The following IGSF1 variants were observed in gnomAD, a reference collection of about 807,000 sequenced individuals.
IGSF1 encodes immunoglobulin superfamily member 1, also known as immunoglobulin-like domain-containing protein 1.
Under a neutral mutation model 95.3 loss-of-function variants are expected in IGSF1, and 40 were observed. The observed-to-expected ratio is 0.42, with a 90% confidence interval of 0.33 to 0.55. IGSF1 has a LOEUF of 0.55. IGSF1 is among the 20% of genes least tolerant of loss of function. The pLI, the probability that IGSF1 is intolerant of heterozygous loss-of-function variation, is 0.10. For synonymous variants in IGSF1, 372 were observed against 382.9 expected, an observed-to-expected ratio of 0.97 and a Z score of 0.33; for missense variants, 906 against 1,025.4, an observed-to-expected ratio of 0.88 and a Z score of 1.59.
intron 1 of IGSF1, 73 bp from the exon 2 acceptor site, chrX:131,286,814 A>T (rs2080646589): frequency 2.2e-6 from 1 of 452,573 alleles, no homozygotes; most frequent in African/African-American, 2.6e-5. Flanking sequence ...GCTAAATTGC[A>T]CTTGACAACC....
At chrX:131,280,117 G>C (rs2080534854) in intron 9 of IGSF1, among the ~76,000 whole-genome samples, 1 of 110,303 alleles carries the variant, frequency 9.1e-6, no homozygotes, top group Non-Finnish European at 1.9e-5. Context: ...ATGCAGTGTT[G>C]CTGGGCTGGG....
intron 15 of IGSF1, 21 bp downstream of exon 15, chrX:131,275,940 C>T (rs768908371): frequency 8.3e-7 from 1 of 1,202,733 alleles, no homozygotes. Flanking sequence ...CATCCCAGTC[C>T]CATGTCCGGT....
At position 131,274,744 on chromosome X, in the gene IGSF1, A is replaced by C; in HGVS notation, c.3606T>G (p.Pro1202=). ...FVLEHDGEEA[P]QQFSEDGDFV... Reference sequence around the variant, plus strand: ...AGTCTCCATCCTCTGAAAACTGCTGAGGTGCTTCTTCTCCATCATGTTCTA... The same window carrying C: ...AGTCTCCATCCTCTGAAAACTGCTGCGGTGCTTCTTCTCCATCATGTTCTA... Residue 1202 remains proline, a synonymous_variant, in exon 18 of 20, where the codon CCT becomes CCG. Transcript: ENST00000361420. The C allele has an allele frequency of 8.3e-7, 1 of 1,211,545 alleles. No individual in the cohort carries two copies. Among genetic ancestry groups the C allele is most frequent in the South Asian group, 1.8e-5 (1 of 56,974 alleles).
At chrX:131,279,211 C>A in intron 10 of IGSF1, 36 bp from the exon 11 acceptor site, 2 of 1,210,382 alleles carry the variant, frequency 1.7e-6, no homozygotes, top group East Asian at 3.0e-5. Flanking sequence ...TCGGCCCCCT[C>A]CCCCACCGGG....
At chrX:131,279,802 G>T (rs1412789896) in intron 9 of IGSF1, among the ~76,000 whole-genome samples, 1 of 111,661 alleles carries the variant, frequency 9.0e-6, no homozygotes, top group Non-Finnish European at 1.9e-5. Flanking sequence ...GGCAGTATTG[G>T]TCCTCAGACC....
intron 15 of IGSF1, 44 bp from the exon 16 acceptor site, chrX:131,275,809 A>G: frequency 8.5e-7 from 1 of 1,173,399 alleles, no homozygotes; most frequent in Non-Finnish European, 1.2e-6. Flanking sequence ...ATAGAAACTT[A>G]TGAGTTCCTG....
chrX:131,285,133 C>A, intron 5 of IGSF1, 46 bp downstream of exon 5: 2 of 1,143,475 alleles, frequency 1.7e-6, no homozygotes, highest in South Asian at 2.2e-5. Context: ...AGCCATGATA[C>A]CTGGGACAAC....
At position 131,273,879 on chromosome X, in the gene IGSF1, G is replaced by C; in HGVS notation, c.3928C>G (p.Gln1310Glu). 8.3e-7 allele frequency: 1 copy of C among 1,209,474 alleles called. No homozygotes were observed. Among genetic ancestry groups the C allele is most frequent in the Non-Finnish European group, 1.1e-6 (1 of 893,536 alleles). ...DQTIALEECN[Q>E]EGEPGTPANS... ...GCAGGGGTGCCTGGTTCTCCTTCTT[G>C]GTTACACTCTTCAAGGGCAATGGTC... The change falls in exon 20 of 20, where the codon CAA becomes GAA. Residue 1310 changes from glutamine to glutamate, a missense_variant. By Grantham distance (29) the Gln-to-Glu change is conservative. Coordinates refer to ENST00000361420, the MANE Select transcript of IGSF1 (RefSeq NM_001555.5).
chrX:131,281,946 T>G lies in IGSF1; in HGVS notation c.1247-2A>C. The G allele has an allele frequency of 8.3e-7, 1 of 1,199,891 alleles. No homozygotes were observed. Among genetic ancestry groups the G allele is most frequent in the Non-Finnish European group, 1.1e-6 (1 of 887,771 alleles). On this transcript the variant is annotated splice_acceptor_variant, in intron 7 of 19. Coordinates refer to ENST00000361420, the MANE Select transcript of IGSF1 (RefSeq NM_001555.5). LOFTEE classifies it high-confidence loss of function. ...ACAGGGAGGGTTTGGGGGGCTTATC[T>G]GAAACCAATCCAGAGACCAGAGTGA... is the stretch of plus-strand genomic sequence containing the variant.
At position 131,281,650 on chromosome X, in the gene IGSF1, A is replaced by T. The variant is rs1405716753; in HGVS notation, c.1525+16T>A. On this transcript the variant is annotated intron_variant, in intron 8 of 19. Coordinates refer to ENST00000361420, the MANE Select transcript of IGSF1 (RefSeq NM_001555.5). The stretch of plus-strand genomic sequence containing the variant: ...GGGGTATGGAGGGGCATTCCTCTGA[A>T]GAGTTATCCTCTCACCTGCTGGCCC... 2 of 1,199,296 alleles carry T rather than the reference A, an allele frequency of 1.7e-6. No individual in the cohort carries two copies. Among genetic ancestry groups the T allele is most frequent in the African/African-American group, 3.5e-5 (2 of 56,605 alleles).
upstream of IGSF1, chrX:131,289,388 C>T (rs767861152): frequency 1.1e-5 from 4 of 356,832 alleles, no homozygotes; most frequent in African/African-American, 7.8e-5. Flanking sequence ...CTCCCTGCGC[C>T]GGGCTCGGGG....
At position 131,283,475 on chromosome X, in the gene IGSF1, G is replaced by A. The variant is rs186131617; in HGVS notation, c.668-211C>T. On this transcript the variant is annotated intron_variant, in intron 5 of 19. Coordinates refer to ENST00000361420, the MANE Select transcript of IGSF1 (RefSeq NM_001555.5). ...CTCTCAAGAATCTGCCAGCTTCACT[G>A]AGCTCTAACCATGTGTAGGGGTGTA... Among the ~76,000 whole-genome samples, 12 of 111,895 alleles carry A rather than the reference G, an allele frequency of 1.1e-4. No homozygotes were observed. The East Asian group carries it at 3.4e-3, about 31-fold the overall frequency.
At position 131,277,167 on chromosome X, in the gene IGSF1, G is replaced by A; in HGVS notation, c.2380C>T (p.Arg794Ter). Reference protein sequence around the residue: ...WASPVVTPGARVTFNCSTPHQ... With the variant: ...WASPVVTPGA ...GGGGTGGAGCAATTGAAAGTCACTC[G>A]GGCACCAGGGGTGACCACAGGGCTG... Residue 794 changes from arginine to a stop codon, truncating the protein, a stop_gained, in exon 14 of 20, where the codon CGA becomes TGA. Transcript: ENST00000361420. LOFTEE classifies it high-confidence loss of function. 2 of 1,210,644 alleles carry A rather than the reference G, an allele frequency of 1.7e-6. No individual in the cohort carries two copies. The highest frequency in any genetic ancestry group is 2.2e-6 in the Non-Finnish European group (2 of 894,768).
chrX:131,276,926 C>A lies in IGSF1; in HGVS notation c.2608+13G>T. 1 of 1,203,777 alleles carries A rather than the reference C, an allele frequency of 8.3e-7. No homozygotes were observed. The highest frequency in any genetic ancestry group is 1.1e-6 in the Non-Finnish European group (1 of 890,160). On this transcript the variant is annotated intron_variant, in intron 14 of 19. Transcript: ENST00000361420. ...GGTTGGCACCACCTCTACCTGGAGT[C>A]CCCCCTCCTAACCTGTCACCACGAG...
chrX:131,281,384 G>A, intron 8 of IGSF1, 46 bp from the exon 9 acceptor site: 1 of 1,198,584 alleles, frequency 8.3e-7, no homozygotes, highest in Non-Finnish European at 1.1e-6. Context: ...TGGGGACAGG[G>A]GCAGGTGAAT....
In IGSF1 at chrX:131,282,581, C is replaced by T. The variant is rs767294541; in HGVS notation, c.1109G>A (p.Ser370Asn). 3.1e-5 allele frequency: 37 copies of T among 1,208,923 alleles called. 1 individual carries two copies. The South Asian group carries it at 6.2e-4, about 20-fold the overall frequency. Residue 370 changes from serine (S) to asparagine (N), a missense_variant, in exon 7 of 20, where the codon AGC becomes AAC. Coordinates refer to ENST00000361420, the MANE Select transcript of IGSF1 (RefSeq NM_001555.5). ...DKPLQFLDATSIDDNTSFFLN... is the reference protein window; with the variant it reads ...DKPLQFLDATNIDDNTSFFLN... Reference sequence around the variant, plus strand: ...GAAGAATGATGTGTTGTCATCGATGCTGGTGGCATCCAAAAATTGAAGTGG... The same window carrying T: ...GAAGAATGATGTGTTGTCATCGATGTTGGTGGCATCCAAAAATTGAAGTGG...
Position 131,282,718 on chromosome X carries a change from C to G in IGSF1, c.972G>C (p.Trp324Cys), listed in dbSNP as rs1008082168. The G allele has an allele frequency of 8.3e-7, 1 of 1,206,581 alleles. No individual in the cohort carries two copies. Among genetic ancestry groups the G allele is most frequent in the Admixed American group, 2.2e-5 (1 of 45,869 alleles). ...CCACAGCACTGGGCCGAGCAAGTAG[C>G]CAGGTCTTGGGGAAAGTGTCTAGGA... ...IWVTDTFPKT[W>C]LLARPSAVVQ... Residue 324 changes from tryptophan (W) to cysteine (C), a missense_variant, in exon 7 of 20, where the codon TGG (tryptophan) becomes TGC (cysteine). This residue lies in a region of IGSF1 where 442 missense variants were observed against 448.1 expected (regional missense o/e 0.99). Transcript: ENST00000361420.
chrX:131,279,433 G>C, intron 9 of IGSF1, 92 bp from the exon 10 acceptor site: 2 of 677,587 alleles, frequency 3.0e-6, no homozygotes, highest in South Asian at 4.6e-5. Flanking sequence ...TGGCTTACTC[G>C]CTACCCAATG....
At chrX:131,280,792 CT>C (rs1481283009) in intron 9 of IGSF1, among the ~76,000 whole-genome samples, 2 of 111,892 alleles carry the variant, frequency 1.8e-5, no homozygotes, top group Non-Finnish European at 3.8e-5. Context: ...GGCTTAATAG[CT>C]CCTGAGAGCT....
Sources: allele counts gnomAD v4.1 joint callset (sites outside exome capture counted in the v4.1 genomes callset), GRCh38; gene constraint gnomAD v4.1.1; regional missense constraint gnomAD v4.1.1; transcripts MANE v1.5; gene names NCBI Gene and HGNC (gene_info 2026-07-23, HGNC 2026-07-21).